Variants in PTPRM observed in about 807,000 individuals in gnomAD.
The protein encoded by PTPRM is protein tyrosine phosphatase receptor type M.
In PTPRM, 47 loss-of-function variants were observed where a neutral mutation model predicts 186.7. That is an observed-to-expected ratio of 0.25 (90% CI 0.20 to 0.32). The LOEUF (loss-of-function observed/expected upper bound fraction) is 0.32. PTPRM is among the 10% of genes least tolerant of loss of function. The pLI is 1.00. For synonymous variants in PTPRM, 668 were observed against 674.9 expected, an observed-to-expected ratio of 0.99 and a Z score of 0.16; for missense variants, 1,494 against 1,865.0, an observed-to-expected ratio of 0.80 and a Z score of 3.66.
rs554999293 is a variant in PTPRM, at chr18:7,829,891, C to G, written c.196+55620C>G. On this transcript the variant is annotated intron_variant, in intron 2 of 32. Coordinates refer to ENST00000580170, the MANE Select transcript of PTPRM (RefSeq NM_001105244.2). ...ACTTTCCCCCCTTTTTTGTGTGTGT[C>G]AGACATTTCAATGTTTGAGTATTGA... Among the ~76,000 whole-genome samples the G allele has an allele frequency of 3.3e-5, 5 of 152,096 alleles. No homozygotes were observed. The South Asian group carries it at 1.0e-3, about 32-fold the overall frequency.
At position 7,567,928 on chromosome 18, in the gene PTPRM, G is replaced by A. The variant is rs771366185; in HGVS notation, c.73+37G>A. The A allele has an allele frequency of 6.6e-7, 1 of 1,523,466 alleles. No individual in the cohort carries two copies. Among genetic ancestry groups the A allele is most frequent in the Non-Finnish European group, 8.7e-7 (1 of 1,145,942 alleles). 94.4% of individuals were successfully genotyped at this position (1,523,466 alleles called of 1,614,324 possible). On this transcript the variant is annotated intron_variant, in intron 1 of 32. Coordinates refer to ENST00000580170, the MANE Select transcript of PTPRM (RefSeq NM_001105244.2). The surrounding 1 kb of genome is among the most constrained non-coding windows in gnomAD (Gnocchi z 4.3). ...CGCCTCTGCCGCCCCCGAGGCGCGC[G>A]GGCCGGCGCGGGACGCCCGGGACGC...
At chr18:7,653,932 C>A (rs562647040) in intron 1 of PTPRM, among the ~76,000 whole-genome samples, 2 of 152,302 alleles carry the variant, frequency 1.3e-5, no homozygotes, top group South Asian at 4.1e-4. Flanking sequence ...ACACTCCCAC[C>A]ACCAGTGTAT....
chr18:7,717,694 T>A (rs2040366843), intron 1 of PTPRM, among the ~76,000 whole-genome samples: 1 of 152,204 alleles, frequency 6.6e-6, no homozygotes, highest in Non-Finnish European at 1.5e-5. Context: ...CTGAAGCCTC[T>A]GGGGCTTCAG....
intron 1 of PTPRM, among the ~76,000 whole-genome samples, chr18:7,735,292 C>T (rs1471294240): frequency 4.6e-5 from 7 of 152,008 alleles, no homozygotes; most frequent in Non-Finnish European, 7.4e-5. Flanking sequence ...TGGTGGGCGG[C>T]GCCTGTAATC....
At chr18:8,097,301 G>GT (rs1446492818) in intron 11 of PTPRM, among the ~76,000 whole-genome samples, 1 of 152,152 alleles carries the variant, frequency 6.6e-6, no homozygotes, top group Non-Finnish European at 1.5e-5. Context: ...TGGTTTTGGT[G>GT]TTTTTTCCCA....
At chr18:8,225,254 T>C (rs2094199701) in intron 14 of PTPRM, among the ~76,000 whole-genome samples, 1 of 152,212 alleles carries the variant, frequency 6.6e-6, no homozygotes, top group African/African-American at 2.4e-5. Flanking sequence ...CCTTAGGATT[T>C]TGTAAGATGA....
chr18:7,608,857 T>C (rs1375034338), intron 1 of PTPRM, among the ~76,000 whole-genome samples: 1 of 152,106 alleles, frequency 6.6e-6, no homozygotes, highest in East Asian at 1.9e-4. Context: ...GGGTATGGGA[T>C]AAGGGAAGAT....
At chr18:7,724,962 C>T (rs558244553) in intron 1 of PTPRM, among the ~76,000 whole-genome samples, 83 of 152,150 alleles carry the variant, frequency 5.5e-4, no homozygotes, top group African/African-American at 2.0e-3. Flanking sequence ...TGTATTTGAC[C>T]CTAGGACTCA....
At chr18:8,059,105 T>C (rs2148342884) in intron 7 of PTPRM, among the ~76,000 whole-genome samples, 1 of 151,032 alleles carries the variant, frequency 6.6e-6, no homozygotes, top group Non-Finnish European at 1.5e-5. Flanking sequence ...GTTCTTCCAT[T>C]TGTTTGTATC....
intron 11 of PTPRM, among the ~76,000 whole-genome samples, chr18:8,109,863 G>A (rs367600526): frequency 2.0e-5 from 3 of 152,164 alleles, no homozygotes; most frequent in Non-Finnish European, 4.4e-5. Context: ...GAGACACAGC[G>A]TTTGATTCCC....
chr18:8,129,231 C>T (rs1600723968), intron 13 of PTPRM, among the ~76,000 whole-genome samples: 2 of 81,436 alleles, frequency 2.5e-5, no homozygotes, highest in South Asian at 9.0e-4. Flanking sequence ...TATATTATTT[C>T]AATTTTTAAG....
intron 13 of PTPRM, among the ~76,000 whole-genome samples, chr18:8,139,536 G>C (rs549771671): frequency 2.0e-5 from 3 of 152,268 alleles, no homozygotes; most frequent in South Asian, 4.1e-4. Context: ...TCCTCCCAAG[G>C]CTTCTCAAGC....
chr18:8,323,723 A>G (rs1054122135), intron 22 of PTPRM, among the ~76,000 whole-genome samples: 1 of 152,052 alleles, frequency 6.6e-6, no homozygotes, highest in Non-Finnish European at 1.5e-5. Flanking sequence ...AGGACTAGAG[A>G]GAGGATCTCC....
intron 1 of PTPRM, among the ~76,000 whole-genome samples, chr18:7,648,828 C>T (rs1327285617): frequency 6.6e-6 from 1 of 152,010 alleles, no homozygotes; most frequent in African/African-American, 2.4e-5. Context: ...TATCCAGATT[C>T]TGCAGATGCA....
chr18:7,761,354 T>C (rs2041762099), intron 1 of PTPRM, among the ~76,000 whole-genome samples: 1 of 152,234 alleles, frequency 6.6e-6, no homozygotes, highest in African/African-American at 2.4e-5. Flanking sequence ...ATACACATAA[T>C]ATGTAATTAT....
At chr18:7,658,330 T>TTATATATATATATATATATATATA (rs34009975) in intron 1 of PTPRM, among the ~76,000 whole-genome samples, 53 of 124,420 alleles carry the variant, frequency 4.3e-4, no homozygotes, top group African/African-American at 1.5e-3. Context: ...TAAAGTAAAT[T>TTATATATATATATATATATATATA]TATATATATA....
Position 8,370,953 on chromosome 18 carries a change from A to G in PTPRM, c.3118A>G (p.Ile1040Val). 1 of 1,608,690 alleles carries G rather than the reference A, an allele frequency of 6.2e-7. No homozygotes were observed. Among genetic ancestry groups the G allele is most frequent in the Non-Finnish European group, 8.5e-7 (1 of 1,175,716 alleles). The change falls in exon 24 of 33, where the codon ATA becomes GTA. Residue 1040 changes from isoleucine (I) to valine (V), a missense_variant. Physicochemically the swap from Ile to Val is conservative, Grantham distance 29. Around this residue, in one of 3 missense-constraint regions of PTPRM, gnomAD observed 1,107 missense variants for 1,350.2 expected, o/e 0.82. Transcript: ENST00000580170. Reference protein sequence around the residue: ...EIYKDIKVTLIETELLAEYVI... With the variant: ...EIYKDIKVTLVETELLAEYVI... ...ATATAAAGACATTAAAGTTACCCTA[A>G]TAGAAACAGAACTACTGGCAGAATA...
At chr18:8,097,135 C>A (rs630778) in intron 11 of PTPRM, among the ~76,000 whole-genome samples, 62,928 of 152,088 alleles carry the variant, frequency 0.41, 14,271 homozygotes, top group Non-Finnish European at 0.52. Flanking sequence ...ATTATAAGAA[C>A]ACCAGTGTAC....
chr18:8,080,089 A>C (rs2145179571), intron 9 of PTPRM, among the ~76,000 whole-genome samples: 1 of 152,322 alleles, frequency 6.6e-6, no homozygotes, highest in East Asian at 1.9e-4. Context: ...AAATTTCTAT[A>C]ATATCAAGTG....
Sources: allele counts gnomAD v4.1 joint callset (sites outside exome capture counted in the v4.1 genomes callset), GRCh38; gene constraint gnomAD v4.1.1; regional missense constraint gnomAD v4.1.1; non-coding constraint Gnocchi (gnomAD v3.1); transcripts MANE v1.5; gene names NCBI Gene and HGNC (gene_info 2026-07-23, HGNC 2026-07-21).